The following GPAM variants were observed in gnomAD, a reference collection of about 807,000 sequenced individuals.
GPAM encodes glycerol-3-phosphate acyltransferase 1, mitochondrial.
In GPAM, 56 loss-of-function variants were observed where a neutral mutation model predicts 105.0. That is an observed-to-expected ratio of 0.53 (90% CI 0.43 to 0.67). The LOEUF (loss-of-function observed/expected upper bound fraction) is 0.67, where lower values mean the gene tolerates loss of function less well. Ranked by LOEUF, GPAM falls within the 30% of genes least tolerant of loss-of-function variation. The probability of loss-of-function intolerance (pLI) is 0.00; values close to 1 mark genes in which losing one functional copy is unlikely to be tolerated. For synonymous variants in GPAM, 368 were observed against 354.4 expected (o/e 1.04, Z -0.43); for missense variants, 855 against 989.8 (o/e 0.86, Z 1.83).
rs549749684 is a variant in GPAM at position 112,179,185 on chromosome 10, A to T, written c.226-1128T>A. ...AATGATCATGTCATGGAAGTAATTC[A>T]AGATCAAGTTCAACTCCATCAGGTA... On this transcript the variant is annotated intron_variant, in intron 4 of 21. Transcript: ENST00000348367. Among the ~76,000 whole-genome samples, 3 of 152,362 alleles carry T rather than the reference A, an allele frequency of 2.0e-5. No homozygotes were observed. The South Asian group carries it at 6.2e-4, about 32-fold the overall frequency.
chr10:112,211,444 G>A (rs929847116), intron 1 of GPAM, among the ~76,000 whole-genome samples: 5 of 152,160 alleles, frequency 3.3e-5, no homozygotes, highest in South Asian at 2.1e-4. Context: ...TGGCCAGGGC[G>A]GCAAGTATTG....
upstream of GPAM, among the ~76,000 whole-genome samples, chr10:112,186,399 A>G (rs927015270): frequency 3.3e-5 from 5 of 152,002 alleles, no homozygotes; most frequent in African/African-American, 1.2e-4. Context: ...TCTATAAGCA[A>G]TGTTAAAGAA....
At chr10:112,217,391 C>A (rs563735532), upstream of GPAM, among the ~76,000 whole-genome samples, 75 of 151,838 alleles carry the variant, frequency 4.9e-4, no homozygotes, top group African/African-American at 1.8e-3. Context: ...TCACAAATAT[C>A]CACCATTCAT....
chr10:112,184,796 G>C (rs560273133), upstream of GPAM, among the ~76,000 whole-genome samples: 89 of 152,292 alleles, frequency 5.8e-4, no homozygotes, highest in African/African-American at 2.0e-3. Context: ...GGAACTGTGA[G>C]TTGTATATCA....
chr10:112,204,265 T>C (rs1295626677), intron 1 of GPAM, among the ~76,000 whole-genome samples: 1 of 151,344 alleles, frequency 6.6e-6, no homozygotes, highest in Admixed American at 6.6e-5. Flanking sequence ...TTTTTTTTTT[T>C]TTTTTTTGAT....
In GPAM at chr10:112,151,702, A is replaced by G; in HGVS notation, c.*1848T>C. ...GGGAAGCGAGTCCCAATCTTGAATA[A>G]TGGTGAGCTTGAGTAATCCTTAATT... On this transcript the variant is annotated 3_prime_UTR_variant, in exon 22 of 22. Coordinates refer to ENST00000348367, the MANE Select transcript of GPAM (RefSeq NM_001244949.2). 1 of 985,346 alleles carries G rather than the reference A, an allele frequency of 1.0e-6. No homozygotes were observed. The highest frequency in any genetic ancestry group is 1.2e-6 in the Non-Finnish European group (1 of 829,852). 61.0% of individuals were successfully genotyped at this position (985,346 alleles called of 1,614,324 possible).
upstream of GPAM, among the ~76,000 whole-genome samples, chr10:112,184,127 T>C (rs181210594): frequency 1.1e-4 from 16 of 152,128 alleles, no homozygotes; most frequent in East Asian, 2.7e-3. Context: ...TAGGATTTAC[T>C]ACGAATGGGA....
chr10:112,195,630 G>A (rs1847714443), intron 1 of GPAM, among the ~76,000 whole-genome samples: 1 of 152,210 alleles, frequency 6.6e-6, no homozygotes, highest in African/African-American at 2.4e-5. Context: ...CTTAATTGTA[G>A]AATTAATCAT....
chr10:112,180,698 G>T, intron 3 of GPAM, 103 bp from the exon 4 acceptor site: 1 of 1,035,978 alleles, frequency 9.7e-7, no homozygotes, highest in Non-Finnish European at 1.5e-6. Flanking sequence ...AAAACTTATG[G>T]CATATTCTGG....
intron 1 of GPAM, among the ~76,000 whole-genome samples, chr10:112,195,351 C>G (rs1847710710): frequency 6.6e-6 from 1 of 152,202 alleles, no homozygotes; most frequent in African/African-American, 2.4e-5. Context: ...GCTAATCTCA[C>G]CACCCCCCAT....
chr10:112,198,407 G>A (rs1847750698), intron 1 of GPAM, among the ~76,000 whole-genome samples: 3 of 152,226 alleles, frequency 2.0e-5, no homozygotes. Context: ...AGTCAGTAAA[G>A]TCTTTAAAGC....
At position 112,157,322 on chromosome 10, in the gene GPAM, G is replaced by C; in HGVS notation, c.2048C>G (p.Pro683Arg). Reference protein sequence around the residue: ...EQQWDKKLPEPLSWRSDEEDE... With the variant: ...EQQWDKKLPERLSWRSDEEDE... The stretch of plus-strand genomic sequence containing the variant: ...TTCTTCATCACTTCTCCAAGACAAA[G>C]GTTCTGGAAGCTTCTTGTCCCACTG... Residue 683 changes from proline (P) to arginine (R), a missense_variant, in exon 19 of 22, where the codon CCT (proline) becomes CGT (arginine). Pro to Arg is a moderately radical substitution (Grantham distance 103, BLOSUM62 -2). Coordinates refer to ENST00000348367, the MANE Select transcript of GPAM (RefSeq NM_001244949.2). The C allele has an allele frequency of 6.2e-7, 1 of 1,613,050 alleles. No homozygotes were observed. Among genetic ancestry groups the C allele is most frequent in the Non-Finnish European group, 8.5e-7 (1 of 1,179,002 alleles).
Position 112,155,877 on chromosome 10 carries a change from A to T in GPAM, c.2298T>A (p.Asn766Lys). 1 of 1,596,326 alleles carries T rather than the reference A, an allele frequency of 6.3e-7. No individual in the cohort carries two copies. The highest frequency in any genetic ancestry group is 8.6e-7 in the Non-Finnish European group (1 of 1,164,284). ...HKYLITRTER[N>K]VAVYAESATY... The stretch of plus-strand genomic sequence containing the variant: ...GACTTAACATACCATATACTGCAAC[A>T]TTTCTTTCTGTTCTGGTTATTAGGT... Residue 766 changes from asparagine (N) to lysine (K), a missense_variant, in exon 20 of 22, where the codon AAT becomes AAA. Transcript: ENST00000348367.
chr10:112,164,432 T>C, intron 13 of GPAM, 93 bp downstream of exon 13: 1 of 749,226 alleles, frequency 1.3e-6, no homozygotes, highest in Admixed American at 1.9e-5. Flanking sequence ...AAAATAAGAA[T>C]GTGCGCATTT....
At chr10:112,193,771 G>A (rs959797803) in intron 1 of GPAM, among the ~76,000 whole-genome samples, 1 of 152,214 alleles carries the variant, frequency 6.6e-6, no homozygotes, top group African/African-American at 2.4e-5. Context: ...TTTAGGATTT[G>A]CTTTGGAACT....
At chr10:112,153,809 GCC>G (rs1846965148) in intron 21 of GPAM, 143 bp from the exon 22 acceptor site, 1 of 797,756 alleles carries the variant, frequency 1.3e-6, no homozygotes, top group Non-Finnish European at 2.0e-6. Flanking sequence ...GTAAATGTAT[GCC>G]TGGGTGTGTG....
intron 1 of GPAM, among the ~76,000 whole-genome samples, chr10:112,197,684 G>A (rs996727759): frequency 8.4e-6 from 1 of 119,642 alleles, no homozygotes; most frequent in African/African-American, 3.3e-5. Context: ...TCCCCTTCCT[G>A]TGTCCATGTG....
upstream of GPAM, among the ~76,000 whole-genome samples, chr10:112,185,487 T>TA (rs35521996): frequency 0.033 from 4,564 of 139,990 alleles, 149 homozygotes; most frequent in Middle Eastern, 0.096. Flanking sequence ...GAAAAATCTT[T>TA]AAAAAAAAAA....
In GPAM at chr10:112,151,525, C is replaced by T; in HGVS notation, c.*2025G>A. ...TTAAGTGGTGAGAGAGCTAGCAAAT[C>T]ATACATTGCATTCCCCAAAGCATCT... On this transcript the variant is annotated 3_prime_UTR_variant, in exon 22 of 22. Coordinates refer to ENST00000348367, the MANE Select transcript of GPAM (RefSeq NM_001244949.2). 1 of 985,680 alleles carries T rather than the reference C, an allele frequency of 1.0e-6. No individual in the cohort carries two copies. 61.1% of individuals were successfully genotyped at this position (985,680 alleles called of 1,614,324 possible). A position where few individuals can be genotyped will look rare whatever the true frequency, so the allele number is the denominator to read the frequency against.
Sources: gnomAD v4.1 joint callset for allele counts (sites outside exome capture counted in the v4.1 genomes callset) on GRCh38, gnomAD v4.1.1 for gene constraint, MANE v1.5 for transcripts, NCBI Gene and HGNC (gene_info 2026-07-23, HGNC 2026-07-21) for gene names.